The following ITGB8 variants were observed in gnomAD, a reference collection of about 807,000 sequenced individuals.
ITGB8 encodes integrin subunit beta 8.
Under a neutral mutation model 89.5 loss-of-function variants are expected in ITGB8, and 30 were observed. The observed-to-expected ratio is 0.34, with a 90% CI of 0.25 to 0.45. The LOEUF (loss-of-function observed/expected upper bound fraction) is 0.45, where lower values mean the gene tolerates loss of function less well. Ranked by LOEUF, ITGB8 falls within the 20% of genes least tolerant of loss-of-function variation. The pLI is 1.00. For synonymous variants in ITGB8, 335 were observed against 320.4 expected, an observed-to-expected ratio of 1.05 and a Z score of -0.49; for missense variants, 836 against 933.3, an observed-to-expected ratio of 0.90 and a Z score of 1.36.
intron 1 of ITGB8, among the ~76,000 whole-genome samples, chr7:20,334,526 A>G (rs530270452): frequency 1.3e-5 from 2 of 152,224 alleles, no homozygotes; most frequent in South Asian, 4.1e-4. Context: ...TCAAGTATCA[A>G]TTATTTATTA....
chr7:20,363,894 AAAAT>A (rs1785596754), intron 2 of ITGB8, among the ~76,000 whole-genome samples, 172 bp downstream of exon 2: 2 of 152,250 alleles, frequency 1.3e-5, no homozygotes, highest in Admixed American at 1.3e-4. Flanking sequence ...GGCTGAATAT[AAAAT>A]AAATCATAAC....
chr7:20,341,707 T>C (rs933304442), intron 1 of ITGB8, among the ~76,000 whole-genome samples: 2 of 152,146 alleles, frequency 1.3e-5, no homozygotes, highest in Non-Finnish European at 2.9e-5. Flanking sequence ...CTTTTAGGGC[T>C]GTCCGGGGCT....
At chr7:20,360,095 A>G (rs1423481367) in intron 1 of ITGB8, among the ~76,000 whole-genome samples, 1 of 152,210 alleles carries the variant, frequency 6.6e-6, no homozygotes, top group Non-Finnish European at 1.5e-5. Flanking sequence ...TCTCTGGGTC[A>G]TCATCGTTAG....
Position 20,382,456 on chromosome 7 carries a change from T to G in ITGB8, c.960+571T>G, listed in dbSNP as rs2127963433. ...GTTAGTATAAGCTCTGAATCATATA[T>G]TTAATATAATCACCTAGAACCATAT... On this transcript the variant is annotated intron_variant, in intron 6 of 13. Coordinates refer to ENST00000222573, the MANE Select transcript of ITGB8 (RefSeq NM_002214.3). Among the ~76,000 whole-genome samples, 2 of 152,374 alleles carry G rather than the reference T, an allele frequency of 1.3e-5. 1 individual carries two copies. The highest frequency in any genetic ancestry group is 4.1e-4 in the South Asian group (2 of 4,828).
chr7:20,362,062 C>T (rs1785521852), intron 1 of ITGB8, among the ~76,000 whole-genome samples: 1 of 152,132 alleles, frequency 6.6e-6, no homozygotes, highest in South Asian at 2.1e-4. Flanking sequence ...TGGGGAAATA[C>T]AGGGAAGGGT....
At chr7:20,398,771 A>G (rs901214093) in intron 8 of ITGB8, 89 bp from the exon 9 acceptor site, 1 of 933,238 alleles carries the variant, frequency 1.1e-6, no homozygotes, top group Non-Finnish European at 1.5e-6. Context: ...TTAAAATTAA[A>G]TCTATAATGA....
chr7:20,382,617 C>T (rs540098943), intron 6 of ITGB8, among the ~76,000 whole-genome samples: 2 of 152,156 alleles, frequency 1.3e-5, no homozygotes, highest in Non-Finnish European at 2.9e-5. Flanking sequence ...GTTCATGAGA[C>T]CCTAGTCTCT....
At chr7:20,384,381 T>G (rs760012979) in intron 6 of ITGB8, among the ~76,000 whole-genome samples, 1 of 152,342 alleles carries the variant, frequency 6.6e-6, no homozygotes, top group Middle Eastern at 3.4e-3. Flanking sequence ...CAGAGTTCTG[T>G]TGCTTATACA....
intron 11 of ITGB8, among the ~76,000 whole-genome samples, chr7:20,405,088 G>C (rs2127985593): frequency 6.6e-6 from 1 of 152,180 alleles, no homozygotes; most frequent in East Asian, 1.9e-4. Context: ...TTTGAAATTA[G>C]AGGTTGCCTG....
chr7:20,343,859 C>T (rs1784839074), intron 1 of ITGB8, among the ~76,000 whole-genome samples: 1 of 152,174 alleles, frequency 6.6e-6, no homozygotes, highest in Admixed American at 6.5e-5. Context: ...TATTCTGACT[C>T]TTGCTTTTGA....
At position 20,339,028 on chromosome 7, in the gene ITGB8, C is replaced by A. The variant is rs985304927; in HGVS notation, c.127+7095C>A. 1.3e-4 allele frequency among the ~76,000 whole-genome samples: 20 copies of A among 152,066 alleles called. No homozygotes were observed. The East Asian group carries it at 3.9e-3, about 29-fold the overall frequency. On this transcript the variant is annotated intron_variant, in intron 1 of 13. Coordinates refer to ENST00000222573, the MANE Select transcript of ITGB8 (RefSeq NM_002214.3). The stretch of plus-strand genomic sequence containing the variant: ...TGAACAGGGTGAAACCCTGTCTCTA[C>A]TAAAAATACAAAAATTAGCTGGATG...
In ITGB8 at chr7:20,381,735, C is replaced by T. The variant is rs371975080; in HGVS notation, c.810C>T (p.Ile270=). Reference sequence around the variant, plus strand: ...ACATGTTTATTTTTAAGAGTCATATCGGATGGCGAAAAGAGGCTAAAAGAT... The same window carrying T: ...ACATGTTTATTTTTAAGAGTCATATTGGATGGCGAAAAGAGGCTAAAAGAT... ...MLQAAVCESH[I]GWRKEAKRLL... is the part of the protein sequence containing the mutation. The change falls in exon 6 of 14, where the codon ATC becomes ATT. Residue 270 remains isoleucine (I), a synonymous_variant. Coordinates refer to ENST00000222573, the MANE Select transcript of ITGB8 (RefSeq NM_002214.3). The T allele has an allele frequency of 5.0e-6, 8 of 1,606,812 alleles. No homozygotes were observed. The African/African-American group carries it at 8.1e-5, about 16-fold the overall frequency.
intron 12 of ITGB8, among the ~76,000 whole-genome samples, chr7:20,406,536 G>A (rs1787552247): frequency 1.8e-5 from 2 of 109,820 alleles, no homozygotes; most frequent in African/African-American, 8.0e-5. Flanking sequence ...GGCAACAAGA[G>A]AGGAACCCCA....
intron 10 of ITGB8, among the ~76,000 whole-genome samples, chr7:20,404,115 G>A (rs1787434324): frequency 1.3e-5 from 2 of 152,130 alleles, no homozygotes; most frequent in African/African-American, 4.8e-5. Context: ...AACTTCTCAA[G>A]AGACCTGATC....
rs550247668 is a variant in ITGB8, at chr7:20,350,381, CAG to C, written c.128-13255_128-13254del. 6.2e-4 allele frequency among the ~76,000 whole-genome samples: 95 copies of C among 152,312 alleles called. No individual in the cohort carries two copies. The East Asian group carries it at 0.011, about 18-fold the overall frequency. On this transcript the variant is annotated intron_variant, in intron 1 of 13. Coordinates refer to ENST00000222573, the MANE Select transcript of ITGB8 (RefSeq NM_002214.3). The stretch of plus-strand genomic sequence containing the variant: ...CAGGCTGGTCTTGAACTCCTGACCT[CAG>C]GTGATCTGCCCGCCTCTGCCTCCCA...
At position 20,410,159 on chromosome 7, in the gene ITGB8, A is replaced by G. The variant is rs1787709343; in HGVS notation, c.*162A>G. 1 of 676,442 alleles carries G rather than the reference A, an allele frequency of 1.5e-6. No individual in the cohort carries two copies. The highest frequency in any genetic ancestry group is 3.0e-5 in the Admixed American group (1 of 33,038). The allele number at this position is 676,442 out of a possible 1,614,324, so 41.9% of individuals were successfully genotyped here. Reference sequence around the variant, plus strand: ...TGACAAGTATCCTCATCATGATGTGACTCACATAGCTGCTGACTTTTTCAG... The same window carrying G: ...TGACAAGTATCCTCATCATGATGTGGCTCACATAGCTGCTGACTTTTTCAG... On this transcript the variant is annotated 3_prime_UTR_variant, in exon 14 of 14. Coordinates refer to ENST00000222573, the MANE Select transcript of ITGB8 (RefSeq NM_002214.3).
At chr7:20,340,652 T>C (rs1478198074) in intron 1 of ITGB8, among the ~76,000 whole-genome samples, 1 of 152,122 alleles carries the variant, frequency 6.6e-6, no homozygotes, top group African/African-American at 2.4e-5. Context: ...TTCCTTGGAA[T>C]TGAACCACAA....
intron 11 of ITGB8, among the ~76,000 whole-genome samples, chr7:20,405,789 T>C (rs935667090): frequency 6.6e-6 from 1 of 152,236 alleles, no homozygotes; most frequent in African/African-American, 2.4e-5. Flanking sequence ...ATCTAAACAC[T>C]GTAACTTCCA....
intron 9 of ITGB8, among the ~76,000 whole-genome samples, chr7:20,399,959 G>A (rs1306101708): frequency 6.6e-6 from 1 of 152,162 alleles, no homozygotes; most frequent in Non-Finnish European, 1.5e-5. Context: ...TTAGAGCTGT[G>A]TATTTTAAAT....
Sources: allele counts gnomAD v4.1 joint callset (sites outside exome capture counted in the v4.1 genomes callset), GRCh38; gene constraint gnomAD v4.1.1; transcripts MANE v1.5; gene names NCBI Gene and HGNC (gene_info 2026-07-23, HGNC 2026-07-21).